STAU1: variants seen among roughly 807,000 people sequenced by gnomAD.
The protein encoded by STAU1 is staufen double-stranded RNA binding protein 1.
Under a neutral mutation model 62.9 loss-of-function variants are expected in STAU1, and 13 were observed. That is an observed-to-expected ratio of 0.21 (90% CI 0.13 to 0.33). STAU1 has a LOEUF of 0.33. STAU1 is among the 10% of genes least tolerant of loss of function. The pLI is 1.00. For missense variants in STAU1, 571 were observed against 712.1 expected (o/e 0.80, Z 2.25); for synonymous variants, 269 against 265.1 (o/e 1.01, Z -0.14).
At chr20:49,128,519 T>A (rs1600649948) in intron 6 of STAU1, among the ~76,000 whole-genome samples, 1 of 152,228 alleles carries the variant, frequency 6.6e-6, no homozygotes, top group East Asian at 1.9e-4. Flanking sequence ...GAAATTTATG[T>A]TTCCACTGGG....
chr20:49,154,662 G>A (rs150256432), intron 3 of STAU1, among the ~76,000 whole-genome samples: 7 of 152,022 alleles, frequency 4.6e-5, no homozygotes, highest in East Asian at 1.9e-4. Context: ...TCAGGGTATC[G>A]AGACCATCTT....
chr20:49,117,681 A>T lies in STAU1; in HGVS notation c.1509+96T>A. 7.5e-7 allele frequency: 1 copy of T among 1,331,724 alleles called. No individual in the cohort carries two copies. Among genetic ancestry groups the T allele is most frequent in the Non-Finnish European group, 1.0e-6 (1 of 987,168 alleles). 82.5% of individuals were successfully genotyped at this position (1,331,724 alleles called of 1,614,324 possible). ...CCCATCCCTGGACAGAACTTGATTT[A>T]AGAAAAAAGTACAAAGTTCAAAGTT... On this transcript the variant is annotated intron_variant, in intron 11 of 13. Transcript: ENST00000371856. The surrounding 1 kb of genome is among the most constrained non-coding windows in gnomAD (Gnocchi z 4.6).
At chr20:49,130,159 C>T (rs1021450902) in intron 6 of STAU1, among the ~76,000 whole-genome samples, 3 of 152,072 alleles carry the variant, frequency 2.0e-5, no homozygotes, top group African/African-American at 7.2e-5. Context: ...ACTACTGAAA[C>T]ACACAACAGC....
intron 6 of STAU1, among the ~76,000 whole-genome samples, chr20:49,131,455 G>A (rs1324919679): frequency 6.6e-6 from 1 of 152,160 alleles, no homozygotes; most frequent in Non-Finnish European, 1.5e-5. Context: ...GATACATGCT[G>A]AAATATTAGG....
At chr20:49,185,416 GGA>G (rs1266260513) in intron 1 of STAU1, among the ~76,000 whole-genome samples, 6 of 152,172 alleles carry the variant, frequency 3.9e-5, no homozygotes, top group African/African-American at 1.2e-4. Flanking sequence ...TTGATTTTGA[GGA>G]GCTGAAGGCA....
upstream of STAU1, among the ~76,000 whole-genome samples, chr20:49,192,643 C>G (rs1045815725): frequency 2.0e-5 from 3 of 151,428 alleles, no homozygotes; most frequent in African/African-American, 7.3e-5. Context: ...AAAAAAAGTA[C>G]AAAAATAATT....
At chr20:49,156,092 T>C (rs1254169979) in intron 3 of STAU1, among the ~76,000 whole-genome samples, 1 of 152,186 alleles carries the variant, frequency 6.6e-6, no homozygotes, top group Non-Finnish European at 1.5e-5. Flanking sequence ...TATTTACATT[T>C]TTCTCATTCT....
intron 5 of STAU1, among the ~76,000 whole-genome samples, chr20:49,143,617 G>T (rs907976): frequency 0.1 from 15,174 of 152,082 alleles, 1,017 homozygotes; most frequent in African/African-American, 0.2. Flanking sequence ...CAACAGAAAA[G>T]AAAGAAATGC....
intron 5 of STAU1, among the ~76,000 whole-genome samples, chr20:49,146,638 G>C (rs2093137599): frequency 1.3e-5 from 2 of 151,906 alleles, no homozygotes; most frequent in South Asian, 4.2e-4. Context: ...GGGAGGTCAA[G>C]GCTGCAGTGA....
In STAU1 at chr20:49,152,590, T is replaced by C. The variant is rs2093273369; in HGVS notation, c.345-843A>G. Among the ~76,000 whole-genome samples the C allele has an allele frequency of 3.9e-5, 6 of 152,074 alleles. No individual in the cohort carries two copies. In the South Asian group the frequency reaches 1.2e-3, roughly 32 times the overall value. On this transcript the variant is annotated intron_variant, in intron 4 of 13. Transcript: ENST00000371856. Reference sequence around the variant, plus strand: ...CTCCTGACCTCATGATCCGCCTGCCTTGGCCTCCCAAAGAGCTGGGATTAC... The same window carrying C: ...CTCCTGACCTCATGATCCGCCTGCCCTGGCCTCCCAAAGAGCTGGGATTAC...
chr20:49,172,635 T>G (rs2093611613), intron 2 of STAU1, among the ~76,000 whole-genome samples: 1 of 152,188 alleles, frequency 6.6e-6, no homozygotes, highest in Admixed American at 6.5e-5. Context: ...ACCATCTTCA[T>G]GCAAAACAGA....
At chr20:49,134,952 C>T (rs374222378) in intron 6 of STAU1, 72 of 1,599,124 alleles carry the variant, frequency 4.5e-5, no homozygotes, top group African/African-American at 2.7e-4. Context: ...AAACCCAGCA[C>T]GTGGTGGACT....
the STAU1 span, among the ~76,000 whole-genome samples, chr20:49,208,347 C>T: frequency 4.6e-5 from 7 of 151,890 alleles, no homozygotes; most frequent in South Asian, 2.1e-4. Context: ...TGTGAGCCAC[C>T]GCACGTGGCC....
At chr20:49,119,833 TG>T in intron 9 of STAU1, 148 bp downstream of exon 9, 1 of 956,174 alleles carries the variant, frequency 1.0e-6, no homozygotes, top group Non-Finnish European at 1.5e-6. Flanking sequence ...GAGCACATTA[TG>T]GTCCAAATGG....
Position 49,166,177 on chromosome 20 carries a change from GAACTTGCACT to G in STAU1, c.15_24del (p.Gln5HisfsTer14). The G allele has an allele frequency of 6.2e-7, 1 of 1,614,146 alleles. No individual in the cohort carries two copies. Among genetic ancestry groups the G allele is most frequent in the Non-Finnish European group, 8.5e-7 (1 of 1,180,034 alleles). ...CCTGAGAGAGCAGCAGATGGGTTCTGAACTTGCACTTGAACTTGAGACATGGTCACTTTCA... is the reference window on the plus strand; with the variant it reads ...CCTGAGAGAGCAGCAGATGGGTTCTGTGAACTTGAGACATGGTCACTTTCA... On this transcript the variant is annotated frameshift_variant, in exon 3 of 14. Coordinates refer to ENST00000371856, the MANE Select transcript of STAU1 (RefSeq NM_017453.4). LOFTEE classifies it high-confidence loss of function.
At chr20:49,162,442 G>A in intron 3 of STAU1, among the ~76,000 whole-genome samples, 1 of 152,166 alleles carries the variant, frequency 6.6e-6, no homozygotes, top group East Asian at 1.9e-4. Context: ...TGGCATGGAA[G>A]ATGCCACGCA....
In STAU1 at chr20:49,154,060, G is replaced by A. The variant is rs2093314798; in HGVS notation, c.217C>T (p.Pro73Ser). 6.3e-7 allele frequency: 1 copy of A among 1,597,864 alleles called. No individual in the cohort carries two copies. The highest frequency in any genetic ancestry group is 8.5e-7 in the Non-Finnish European group (1 of 1,175,874). Reference sequence around the variant, plus strand: ...CACAGTGCATTTAGTTCTACAGTAGGGGTTATGCTTTCTGCAAGAAAGAAT... The same window carrying A: ...CACAGTGCATTTAGTTCTACAGTAGAGGTTATGCTTTCTGCAAGAAAGAAT... ...STSAAAESIT[P>S]TVELNALCMK... The change falls in exon 4 of 14, where the codon CCT (proline) becomes TCT (serine). Residue 73 changes from proline (P) to serine (S), a missense_variant. Pro to Ser is a moderately conservative substitution (Grantham distance 74). Coordinates refer to ENST00000371856, the MANE Select transcript of STAU1 (RefSeq NM_017453.4).
At chr20:49,186,584 A>T (rs8120008) in intron 1 of STAU1, among the ~76,000 whole-genome samples, 1,793 of 152,156 alleles carry the variant, frequency 0.012, 40 homozygotes, top group African/African-American at 0.04. Flanking sequence ...GAACACCCAT[A>T]AGTTGCATTT....
chr20:49,135,735 G>A (rs1031978317), intron 6 of STAU1, 98 bp downstream of exon 6: 1 of 869,820 alleles, frequency 1.1e-6, no homozygotes, highest in Non-Finnish European at 1.8e-6. Flanking sequence ...CACATTATGT[G>A]AAGATTATTC....
Sources: gnomAD v4.1 joint callset for allele counts (sites outside exome capture counted in the v4.1 genomes callset) on GRCh38, gnomAD v4.1.1 for gene constraint, Gnocchi (gnomAD v3.1) non-coding constraint, MANE v1.5 for transcripts, NCBI Gene and HGNC (gene_info 2026-07-23, HGNC 2026-07-21) for gene names.